The following DOP1B variants were observed in gnomAD, a reference collection of about 807,000 sequenced individuals.
DOP1B encodes protein DOP1B.
In DOP1B, 174 loss-of-function variants were observed where a neutral mutation model predicts 233.5. The ratio of observed to expected loss-of-function variants is 0.75; its 90% CI spans 0.66 to 0.85. The LOEUF is 0.85. Among genes scored for constraint, DOP1B ranks in the 40% least tolerant of loss-of-function variants. The probability of loss-of-function intolerance (pLI) is 0.00; values close to 1 mark genes in which losing one functional copy is unlikely to be tolerated. For synonymous variants in DOP1B, 1,190 were observed against 1,185.6 expected (o/e 1.00, Z -0.08); for missense variants, 2,652 against 2,846.6 (o/e 0.93, Z 1.56).
chr21:36,163,360 G>GAAA lies in DOP1B; in HGVS notation c.-26-1347_-26-1345dup, dbSNP rs1016822093. On this transcript the variant is annotated intron_variant, in intron 1 of 36. Coordinates refer to ENST00000691173, the MANE Select transcript of DOP1B (RefSeq NM_001320714.2). ...ACTCTGTCTCAAAAAAAAAAAAAAA[G>GAAA]AAAGAAAGAAAGTAGTGGTGGCCTG... 4.0e-4 allele frequency among the ~76,000 whole-genome samples: 56 copies of GAAA among 140,136 alleles called. 1 individual carries two copies. Among genetic ancestry groups the GAAA allele is most frequent in the Middle Eastern group, 3.8e-3 (1 of 262 alleles). The allele number at this position is 140,136 out of a possible 152,430, so 91.9% of individuals were successfully genotyped here.
chr21:36,248,800 T>C (rs1235975688), intron 21 of DOP1B, among the ~76,000 whole-genome samples: 1 of 152,118 alleles, frequency 6.6e-6, no homozygotes, highest in African/African-American at 2.4e-5. Context: ...TTCACCTTAT[T>C]TTGTAGTTAA....
At chr21:36,207,446 G>A (rs1171296737) in intron 4 of DOP1B, among the ~76,000 whole-genome samples, 6 of 150,788 alleles carry the variant, frequency 4.0e-5, no homozygotes, top group East Asian at 1.9e-4. Flanking sequence ...CAGCCTCCCC[G>A]AGTGCTGGGA....
intron 26 of DOP1B, among the ~76,000 whole-genome samples, chr21:36,266,279 C>G (rs900237306): frequency 6.6e-6 from 1 of 152,150 alleles, no homozygotes. Context: ...CAGGTTCAAG[C>G]GATTCTCTTG....
At chr21:36,272,707 G>A (rs370857710) in intron 27 of DOP1B, among the ~76,000 whole-genome samples, 6 of 149,948 alleles carry the variant, frequency 4.0e-5, no homozygotes, top group East Asian at 4.0e-4. Flanking sequence ...ATCTCAGGCC[G>A]GGCGCGGTGG....
At chr21:36,235,455 C>A (rs897420611) in intron 15 of DOP1B, among the ~76,000 whole-genome samples, 1 of 151,980 alleles carries the variant, frequency 6.6e-6, no homozygotes, top group African/African-American at 2.4e-5. Flanking sequence ...CTCGGTGGCT[C>A]ACGCCTGTAA....
At chr21:36,261,489 C>G (rs2067170998) in intron 24 of DOP1B, 1 of 985,196 alleles carries the variant, frequency 1.0e-6, no homozygotes, top group Non-Finnish European at 1.2e-6. Context: ...TTAGGTGTCT[C>G]AGCTAAGAGA....
chr21:36,176,190 C>T (rs757689769), intron 2 of DOP1B, among the ~76,000 whole-genome samples: 2 of 151,760 alleles, frequency 1.3e-5, no homozygotes, highest in African/African-American at 4.8e-5. Context: ...GCCCCCTCCA[C>T]CGCATGCCAA....
intron 4 of DOP1B, among the ~76,000 whole-genome samples, chr21:36,206,811 C>T (rs1328396297): frequency 6.6e-6 from 1 of 152,184 alleles, no homozygotes; most frequent in African/African-American, 2.4e-5. Flanking sequence ...TAATAGAAGA[C>T]CAATCAATAA....
chr21:36,293,752 GCAGGCAGATCACTTGAGGT>G lies in DOP1B; in HGVS notation c.*186_*204del. On this transcript the variant is annotated 3_prime_UTR_variant, in exon 37 of 37. Transcript: ENST00000691173. ...AATCTCAGCACTTTGGGAGGCCAAG[GCAGGCAGATCACTTGAGGT>G]CAGGAGTTCGAGACCAGCCTGACCA... The G allele has an allele frequency of 1.6e-6, 1 of 615,978 alleles. No individual in the cohort carries two copies. Among genetic ancestry groups the G allele is most frequent in the South Asian group, 2.0e-5 (1 of 51,004 alleles). 38.2% of individuals were successfully genotyped at this position (615,978 alleles called of 1,614,324 possible). A position where few individuals can be genotyped will look rare whatever the true frequency, so the allele number is the denominator to read the frequency against.
chr21:36,265,829 C>G (rs867036126), intron 26 of DOP1B, among the ~76,000 whole-genome samples: 5 of 152,210 alleles, frequency 3.3e-5, no homozygotes, highest in Non-Finnish European at 5.9e-5. Flanking sequence ...ACCACACTCT[C>G]GTAACATAGA....
At chr21:36,287,777 G>A (rs1015144736) in intron 32 of DOP1B, among the ~76,000 whole-genome samples, 4 of 151,634 alleles carry the variant, frequency 2.6e-5, no homozygotes, top group African/African-American at 9.7e-5. Flanking sequence ...AGTAGAGATG[G>A]GGTTTTACCA....
Position 36,248,416 on chromosome 21 carries a change from G to A in DOP1B, c.4846G>A (p.Ala1616Thr), listed in dbSNP as rs567586327. Reference protein sequence around the residue: ...AAGDPANLRNARNAILEELPR... With the variant: ...AAGDPANLRNTRNAILEELPR... Reference sequence around the variant, plus strand: ...AGGTGATCCTGCCAACTTGAGGAATGCCAGAAATGCCATTTTGGAAGAGCT... The same window carrying A: ...AGGTGATCCTGCCAACTTGAGGAATACCAGAAATGCCATTTTGGAAGAGCT... Residue 1616 changes from alanine (A) to threonine (T), a missense_variant, in exon 21 of 37, where the codon GCC (alanine) becomes ACC (threonine). Physicochemically the swap from Ala to Thr is moderately conservative, Grantham distance 58 (BLOSUM62 0). This residue lies in a region of DOP1B where 2,617 missense variants were observed against 2,794.3 expected (regional missense o/e 0.94). Coordinates refer to ENST00000691173, the MANE Select transcript of DOP1B (RefSeq NM_001320714.2). 5 of 1,613,948 alleles carry A rather than the reference G, an allele frequency of 3.1e-6. No individual in the cohort carries two copies. In the South Asian group the frequency reaches 3.3e-5, roughly 11 times the overall value.
intron 2 of DOP1B, among the ~76,000 whole-genome samples, chr21:36,167,035 G>A (rs1476152760): frequency 3.3e-5 from 5 of 152,176 alleles, no homozygotes; most frequent in African/African-American, 9.7e-5. Context: ...GATTGCATTC[G>A]CAGACTTGCT....
chr21:36,242,234 G>A (rs1158995365), intron 18 of DOP1B, among the ~76,000 whole-genome samples: 3 of 151,218 alleles, frequency 2.0e-5, no homozygotes, highest in African/African-American at 7.3e-5. Flanking sequence ...GTACAGTGGT[G>A]TGATCCCAAG....
intron 5 of DOP1B, among the ~76,000 whole-genome samples, chr21:36,211,218 G>A (rs1224429392): frequency 1.3e-5 from 2 of 152,200 alleles, no homozygotes; most frequent in African/African-American, 4.8e-5. Flanking sequence ...GAATTGATCA[G>A]GAATTATTTT....
At chr21:36,253,637 CAAA>C (rs368750677) in intron 22 of DOP1B, 132 bp from the exon 23 acceptor site, 1,885 of 792,176 alleles carry the variant, frequency 2.4e-3, no homozygotes, top group South Asian at 5.6e-3. Context: ...GACCGTGTTT[CAAA>C]AAAAAAAAAA....
At chr21:36,174,995 G>A (rs746337716) in intron 2 of DOP1B, among the ~76,000 whole-genome samples, 14 of 152,158 alleles carry the variant, frequency 9.2e-5, no homozygotes, top group Non-Finnish European at 1.3e-4. Context: ...CAATATCAAC[G>A]TGTCGGCAGG....
chr21:36,182,557 G>A (rs1488451903), intron 2 of DOP1B, among the ~76,000 whole-genome samples: 1 of 152,180 alleles, frequency 6.6e-6, no homozygotes, highest in East Asian at 1.9e-4. Context: ...TCACTGGCAG[G>A]GCGTGCTGGT....
At chr21:36,225,695 C>G (rs372484886) in intron 12 of DOP1B, 28 bp downstream of exon 12, 15 of 1,608,238 alleles carry the variant, frequency 9.3e-6, no homozygotes, top group Non-Finnish European at 1.3e-5. Context: ...GACATCTCAA[C>G]GCCTGCTATT....
Sources: allele counts gnomAD v4.1 joint callset (sites outside exome capture counted in the v4.1 genomes callset), GRCh38; gene constraint gnomAD v4.1.1; regional missense constraint gnomAD v4.1.1; transcripts MANE v1.5; gene names NCBI Gene and HGNC (gene_info 2026-07-23, HGNC 2026-07-21).